IQSEC3: variants seen among roughly 807,000 people sequenced by gnomAD.
IQSEC3 encodes the protein IQ motif and Sec7 domain ArfGEF 3.
IQSEC3 carries 50 observed loss-of-function variants against 105.4 expected under a neutral mutation model. That is an observed-to-expected ratio of 0.47 (90% CI 0.38 to 0.60). IQSEC3 has a LOEUF of 0.60. IQSEC3 is among the 20% of genes least tolerant of loss of function. IQSEC3 has a pLI of 0.00. For missense variants in IQSEC3, 1,415 were observed against 1,630.0 expected (o/e 0.87, Z 2.27); for synonymous variants, 708 against 746.0 (o/e 0.95, Z 0.83).
At chr12:135,258 G>A (rs1458736362) in intron 3 of IQSEC3, among the ~76,000 whole-genome samples, 10 of 152,350 alleles carry the variant, frequency 6.6e-5, no homozygotes, top group Admixed American at 5.9e-4. Context: ...ATTTCCCCTT[G>A]GGGAAGGACT....
chr12:128,553 C>A (rs117665993), intron 3 of IQSEC3, among the ~76,000 whole-genome samples: 2,894 of 152,222 alleles, frequency 0.019, 44 homozygotes, highest in Non-Finnish European at 0.031. Flanking sequence ...GCCCACCGAC[C>A]CGCCAAGCCT....
Position 138,116 on chromosome 12 carries a change from G to A in IQSEC3, c.904-151G>A, listed in dbSNP as rs113174015. 1 of 666,966 alleles carries A rather than the reference G, an allele frequency of 1.5e-6. No homozygotes were observed. The highest frequency in any genetic ancestry group is 1.8e-5 in the African/African-American group (1 of 55,094). 41.3% of individuals were successfully genotyped at this position (666,966 alleles called of 1,614,324 possible). On this transcript the variant is annotated intron_variant, in intron 3 of 13. Transcript: ENST00000538872. The surrounding 1 kb of genome is among the most constrained non-coding windows in gnomAD (Gnocchi z 7.1). ...GCCACGTGGCCAGGACGTTCTAGGC[G>A]GTTCAGACTTTAGCTGCCCAGGAGC...
chr12:103,335 G>A (rs1555076737), intron 2 of IQSEC3, among the ~76,000 whole-genome samples: 3 of 148,940 alleles, frequency 2.0e-5, no homozygotes, highest in African/African-American at 7.5e-5. Flanking sequence ...AGAGGGTGGG[G>A]CTCAGGAGAA....
At chr12:165,650 CCCT>C (rs1555098123) in intron 10 of IQSEC3, 76 bp from the exon 11 acceptor site, 2 of 1,582,092 alleles carry the variant, frequency 1.3e-6, no homozygotes, top group East Asian at 2.2e-5. Context: ...AGACCCCGTG[CCCT>C]CCTCATGTCT....
intron 11 of IQSEC3, 91 bp downstream of exon 11, chr12:165,981 A>C: frequency 6.9e-7 from 1 of 1,459,068 alleles, no homozygotes. Flanking sequence ...GACTCCAGGG[A>C]GCTGGCCCCA....
At chr12:107,130 C>T (rs1408633218) in intron 2 of IQSEC3, among the ~76,000 whole-genome samples, 5 of 152,206 alleles carry the variant, frequency 3.3e-5, no homozygotes, top group African/African-American at 9.6e-5. Flanking sequence ...GGACACTTTC[C>T]ATAATTCCTT....
At position 85,717 on chromosome 12, in the gene IQSEC3, T is replaced by C. The variant is rs151229766; in HGVS notation, c.555-13429T>C. ...GTTCTGAGTTAAGCTCCCCCAAGAC[T>C]GCCAGGTAGATGCCAAGGCTGTGAT... On this transcript the variant is annotated intron_variant, in intron 1 of 13. Transcript: ENST00000538872. 1.5e-4 allele frequency among the ~76,000 whole-genome samples: 23 copies of C among 152,282 alleles called. No individual in the cohort carries two copies. The East Asian group carries it at 3.1e-3, about 20-fold the overall frequency.
In IQSEC3 at chr12:161,880, C is replaced by G. The variant is rs782408610; in HGVS notation, c.2444-46C>G. 4 of 1,489,612 alleles carry G rather than the reference C, an allele frequency of 2.7e-6. No individual in the cohort carries two copies. In the East Asian group the frequency reaches 9.9e-5, roughly 37 times the overall value. 92.3% of individuals were successfully genotyped at this position (1,489,612 alleles called of 1,614,324 possible). A position where few individuals can be genotyped will look rare whatever the true frequency, so the allele number is the denominator to read the frequency against. The stretch of plus-strand genomic sequence containing the variant: ...TGTCTGGCTCCAGGGCTCTGACACC[C>G]TCCCTCCCAACCCCACCACCACCCC... On this transcript the variant is annotated intron_variant, in intron 7 of 13. Transcript: ENST00000538872.
chr12:105,003 G>A (rs1417101388), intron 2 of IQSEC3, among the ~76,000 whole-genome samples: 1 of 152,392 alleles, frequency 6.6e-6, no homozygotes, highest in African/African-American at 2.4e-5. Context: ...CTGAGAAACC[G>A]GCACCACGCA....
intron 2 of IQSEC3, 30 bp from the exon 3 acceptor site, chr12:125,603 C>G: frequency 7.5e-6 from 11 of 1,470,256 alleles, no homozygotes; most frequent in Non-Finnish European, 8.9e-6. Flanking sequence ...CCCTCTCCCC[C>G]AACCGAGCAC....
At chr12:169,936 G>A (rs1438513107) in intron 12 of IQSEC3, among the ~76,000 whole-genome samples, 1 of 152,228 alleles carries the variant, frequency 6.6e-6, no homozygotes, top group Non-Finnish European at 1.5e-5. Flanking sequence ...ACACTGGAAA[G>A]CCAGGGTCAT....
intron 2 of IQSEC3, among the ~76,000 whole-genome samples, chr12:110,190 T>C (rs189523873): frequency 2.0e-5 from 3 of 152,318 alleles, no homozygotes; most frequent in Admixed American, 2.0e-4. Context: ...CCAGTTTCTC[T>C]TTTCTTTCTT....
intron 13 of IQSEC3, 185 bp downstream of exon 13, chr12:171,346 G>A (rs551220402): frequency 8.4e-5 from 134 of 1,600,410 alleles, no homozygotes; most frequent in Middle Eastern, 1.7e-4. Context: ...CTGTTCCAGC[G>A]CCTAATTAAG....
chr12:105,664 G>C (rs900543704), intron 2 of IQSEC3, among the ~76,000 whole-genome samples: 2 of 152,196 alleles, frequency 1.3e-5, no homozygotes, highest in Non-Finnish European at 2.9e-5. Context: ...AACCAAAATA[G>C]AGGTCAAAGT....
At chr12:157,185 C>A in intron 6 of IQSEC3, 38 bp downstream of exon 6, 1 of 1,496,830 alleles carries the variant, frequency 6.7e-7, no homozygotes, top group Non-Finnish European at 8.9e-7. Context: ...CAACAGACCC[C>A]AGCGTGGGGA....
Position 174,737 on chromosome 12 carries a change from AC to A in IQSEC3, c.3254del (p.Thr1085SerfsTer30). The A allele has an allele frequency of 6.3e-7, 1 of 1,581,718 alleles. No individual in the cohort carries two copies. The highest frequency in any genetic ancestry group is 8.5e-7 in the Non-Finnish European group (1 of 1,173,754). On this transcript the variant is annotated frameshift_variant, in exon 14 of 14. Transcript: ENST00000538872. LOFTEE classifies it high-confidence loss of function. ...QTPPLPPPPP[T>X]PPGTLVQCQQ... ...CCCACCACTGCCGCCGCCGCCACCCACGCCCCCGGGCACCCTGGTGCAGTGC... is the reference window on the plus strand; with the variant it reads ...CCCACCACTGCCGCCGCCGCCACCCAGCCCCCGGGCACCCTGGTGCAGTGC...
At chr12:165,395 C>T (rs367564285) in intron 9 of IQSEC3, 39 bp from the exon 10 acceptor site, 3 of 1,502,260 alleles carry the variant, frequency 2.0e-6, no homozygotes, top group Admixed American at 3.3e-5. Context: ...CCGTGAGTGT[C>T]TGTTCATCAG....
chr12:135,146 A>G (rs190625751), intron 3 of IQSEC3, among the ~76,000 whole-genome samples: 34 of 152,308 alleles, frequency 2.2e-4, no homozygotes, highest in Middle Eastern at 3.4e-3. Flanking sequence ...AAAAAAAAGA[A>G]ATGTGAAATC....
chr12:67,585 TG>T, intron 1 of IQSEC3, 149 bp downstream of exon 1: 1 of 939,638 alleles, frequency 1.1e-6, no homozygotes, highest in Non-Finnish European at 1.5e-6. Flanking sequence ...AAGGAGATTT[TG>T]GGTAAATGAG....
Sources: gnomAD v4.1 joint callset for allele counts (sites outside exome capture counted in the v4.1 genomes callset) on GRCh38, gnomAD v4.1.1 for gene constraint, Gnocchi (gnomAD v3.1) non-coding constraint, MANE v1.5 for transcripts, NCBI Gene and HGNC (gene_info 2026-07-23, HGNC 2026-07-21) for gene names.